The following KDM4C variants were observed in gnomAD, a reference collection of about 807,000 sequenced individuals.
The protein encoded by KDM4C is lysine demethylase 4C.
In KDM4C, 81 loss-of-function variants were observed where a neutral mutation model predicts 129.3. The ratio of observed to expected loss-of-function variants is 0.63; its 90% CI spans 0.52 to 0.75. The LOEUF (loss-of-function observed/expected upper bound fraction) is 0.75. Ranked by LOEUF, KDM4C falls within the 30% of genes least tolerant of loss-of-function variation. The pLI, the probability that KDM4C is intolerant of heterozygous loss-of-function variation, is 0.00. For missense variants in KDM4C, 1,457 were observed against 1,304.0 expected (o/e 1.12, Z -1.81); for synonymous variants, 573 against 456.1 (o/e 1.26, Z -3.26).
At chr9:6,782,146 G>C (rs916809948) in intron 1 of KDM4C, among the ~76,000 whole-genome samples, 1 of 152,116 alleles carries the variant, frequency 6.6e-6, no homozygotes, top group Non-Finnish European at 1.5e-5. Flanking sequence ...TTAGTGAGTA[G>C]GTAAATTTGT....
intron 2 of KDM4C, among the ~76,000 whole-genome samples, chr9:6,805,089 C>A (rs191098492): frequency 6.6e-6 from 1 of 152,058 alleles, no homozygotes; most frequent in Non-Finnish European, 1.5e-5. Context: ...TTAGTAGAGG[C>A]GGGGTTTCAC....
In KDM4C at chr9:6,734,638, A is replaced by G; in HGVS notation, c.49+13641A>G. 3 of 267,304 alleles carry G rather than the reference A, an allele frequency of 1.1e-5. No homozygotes were observed. In the South Asian group the frequency reaches 1.2e-4, roughly 11 times the overall value. 16.6% of individuals were successfully genotyped at this position (267,304 alleles called of 1,614,324 possible). On this transcript the variant is annotated intron_variant, in intron 1 of 17. Coordinates refer to the KDM4C transcript ENST00000536108. ...CCCTTTATTAGCATTTGGAGATAAC[A>G]TACTTGCCATCAGTCCTGCAAAGTA...
intron 18 of KDM4C, among the ~76,000 whole-genome samples, chr9:7,117,182 T>C (rs995927093): frequency 2.6e-5 from 4 of 152,168 alleles, no homozygotes; most frequent in African/African-American, 9.7e-5. Flanking sequence ...TTAGTAGTCA[T>C]TTTTCTAATT....
intron 15 of KDM4C, among the ~76,000 whole-genome samples, chr9:7,046,054 C>G (rs1829343573): frequency 6.6e-6 from 1 of 152,002 alleles, no homozygotes; most frequent in African/African-American, 2.4e-5. Flanking sequence ...ATTGAGAGGA[C>G]AAGCTTGAAA....
chr9:6,895,193 A>G (rs116218134), intron 8 of KDM4C, among the ~76,000 whole-genome samples: 8 of 152,226 alleles, frequency 5.3e-5, no homozygotes, highest in Non-Finnish European at 7.3e-5. Context: ...GTTTAGAACA[A>G]TAGCCATTTA....
intron 8 of KDM4C, among the ~76,000 whole-genome samples, chr9:6,894,510 A>G (rs1306723809): frequency 6.6e-6 from 1 of 152,210 alleles, no homozygotes; most frequent in African/African-American, 2.4e-5. Context: ...AAGGTCTGTT[A>G]TTTTATAGTT....
At chr9:6,756,827 C>A (rs955195547), upstream of KDM4C, among the ~76,000 whole-genome samples, 6 of 152,188 alleles carry the variant, frequency 3.9e-5, no homozygotes, top group Non-Finnish European at 8.8e-5. Context: ...TTCCATCTGT[C>A]CTCACAATGT....
Position 6,805,778 on chromosome 9 carries a change from A to T in KDM4C, c.320+4A>T. ...GGCAGCTGGCCAACAGTGGCAAGTGAGTAGAATCAGTTTGCTATTTCTGTT... is the reference window on the plus strand; with the variant it reads ...GGCAGCTGGCCAACAGTGGCAAGTGTGTAGAATCAGTTTGCTATTTCTGTT... On this transcript the variant is annotated splice_donor_region_variant and intron_variant, in intron 3 of 21. Transcript: ENST00000381309. The T allele has an allele frequency of 6.2e-7, 1 of 1,606,784 alleles. No individual in the cohort carries two copies. The highest frequency in any genetic ancestry group is 8.5e-7 in the Non-Finnish European group (1 of 1,176,712).
At chr9:6,822,035 C>T (rs1487282820) in intron 4 of KDM4C, among the ~76,000 whole-genome samples, 1 of 152,154 alleles carries the variant, frequency 6.6e-6, no homozygotes, top group African/African-American at 2.4e-5. Flanking sequence ...AACAGTAACA[C>T]AACTTAAGCA....
chr9:7,014,316 T>C (rs1482060935), intron 14 of KDM4C: 2 of 229,720 alleles, frequency 8.7e-6, no homozygotes, highest in Non-Finnish European at 1.7e-5. Flanking sequence ...ATCTAGTTTA[T>C]AAAAACTTAA....
chr9:6,910,610 A>G (rs1166343486), intron 8 of KDM4C, among the ~76,000 whole-genome samples: 1 of 152,260 alleles, frequency 6.6e-6, no homozygotes, highest in Non-Finnish European at 1.5e-5. Flanking sequence ...ACAAATGGAA[A>G]TACTCAGTGC....
At chr9:6,954,009 G>A (rs1226607453) in intron 8 of KDM4C, among the ~76,000 whole-genome samples, 1 of 151,986 alleles carries the variant, frequency 6.6e-6, no homozygotes, top group East Asian at 1.9e-4. Flanking sequence ...AGCTGTCGGG[G>A]GTCAGCAAAC....
intron 19 of KDM4C, among the ~76,000 whole-genome samples, chr9:7,157,333 A>G (rs1402107123): frequency 6.6e-6 from 1 of 152,186 alleles, no homozygotes; most frequent in Non-Finnish European, 1.5e-5. Flanking sequence ...TTCCTAATTG[A>G]ATACCCATTA....
In KDM4C at chr9:7,165,953, A is replaced by G. The variant is rs528812411; in HGVS notation, c.2901+596A>G. Among the ~76,000 whole-genome samples, 165 of 152,378 alleles carry G rather than the reference A, an allele frequency of 1.1e-3. 3 individuals are homozygous for G. In the South Asian group the frequency reaches 0.033, roughly 30 times the overall value. ...CCCTACGTAGTATTAAAGAGTATAT[A>G]TACAATTTTAAAATGAATTACTTTT... On this transcript the variant is annotated intron_variant, in intron 20 of 21. Transcript: ENST00000381309.
At position 6,986,421 on chromosome 9, in the gene KDM4C, C is replaced by T. The variant is rs112782148; in HGVS notation, c.1432C>T (p.Pro478Ser). ...DDKAYAYRSV[P>S]SISSEADDSI... The stretch of plus-strand genomic sequence containing the variant: ...CAAAGCTTATGCATATAGAAGTGTA[C>T]CTTCTATATCCAGTGAGGCTGATGA... The change falls in exon 11 of 22, where the codon CCT becomes TCT. Residue 478 changes from proline (P) to serine (S), a missense_variant. Pro to Ser is a moderately conservative substitution (Grantham distance 74). Coordinates refer to ENST00000381309, the MANE Select transcript of KDM4C (RefSeq NM_015061.6). The T allele has an allele frequency of 1.2e-6, 2 of 1,612,434 alleles. No homozygotes were observed. The highest frequency in any genetic ancestry group is 1.7e-6 in the Non-Finnish European group (2 of 1,178,496).
chr9:6,910,752 G>T (rs933494825), intron 8 of KDM4C, among the ~76,000 whole-genome samples: 4 of 152,202 alleles, frequency 2.6e-5, no homozygotes, highest in Non-Finnish European at 4.4e-5. Context: ...GCCCAAGAAT[G>T]TATTTATTTG....
At chr9:6,733,175 C>T (rs1184384045) in intron 1 of KDM4C, among the ~76,000 whole-genome samples, 1 of 152,168 alleles carries the variant, frequency 6.6e-6, no homozygotes, top group East Asian at 1.9e-4. Context: ...TAAGACAAAC[C>T]AAATTTGACA....
intron 8 of KDM4C, among the ~76,000 whole-genome samples, chr9:6,901,165 G>A (rs532804654): frequency 6.6e-6 from 1 of 152,294 alleles, no homozygotes. Context: ...ATGAGGTGAC[G>A]TTTGAGAGAA....
At chr9:7,070,443 C>A (rs890841291) in intron 17 of KDM4C, among the ~76,000 whole-genome samples, 41 of 152,030 alleles carry the variant, frequency 2.7e-4, no homozygotes, top group African/African-American at 9.9e-4. Flanking sequence ...ACTGTAGACC[C>A]ATATTCATCA....
Sources: allele counts gnomAD v4.1 joint callset (sites outside exome capture counted in the v4.1 genomes callset), GRCh38; gene constraint gnomAD v4.1.1; transcripts MANE v1.5; gene names NCBI Gene and HGNC (gene_info 2026-07-23, HGNC 2026-07-21).